The following PARD6G variants were observed in gnomAD, a reference collection of about 807,000 sequenced individuals.
PARD6G encodes the protein par-6 family cell polarity regulator gamma.
In PARD6G, 7 loss-of-function variants were observed where a neutral mutation model predicts 10.7. That is an observed-to-expected ratio of 0.66 (90% CI 0.37 to 1.23). The LOEUF is 1.23. Ranked by LOEUF, PARD6G falls within the 50% of genes most tolerant of loss-of-function variation. PARD6G has a pLI of 0.02. For synonymous variants in PARD6G, 287 were observed against 269.4 expected (o/e 1.07, Z -0.64); for missense variants, 548 against 571.8 (o/e 0.96, Z 0.42).
Position 80,160,063 on chromosome 18 carries a change from G to T in PARD6G, c.839C>A (p.Pro280His). ...GAAGTTCTGCAGGACGCGCGGGGCG[G>T]GGGGACCCACGAAGCCCGCGGTGCC... Reference protein sequence around the residue: ...SDGTAGFVGPPAPRVLQNFHP... With the variant: ...SDGTAGFVGPHAPRVLQNFHP... The change falls in exon 3 of 3, where the codon CCC becomes CAC. Residue 280 changes from proline (P) to histidine (H), a missense_variant. Pro to His is a moderately conservative substitution (Grantham distance 77). Around this residue, in one of 2 missense-constraint regions of PARD6G, gnomAD observed 313 missense variants for 279.9 expected, o/e 1.12. Transcript: ENST00000353265. 1 of 1,565,120 alleles carries T rather than the reference G, an allele frequency of 6.4e-7. No homozygotes were observed.
At chr18:80,240,238 C>T (rs1967475251) in intron 1 of PARD6G, among the ~76,000 whole-genome samples, 1 of 152,250 alleles carries the variant, frequency 6.6e-6, no homozygotes, top group Non-Finnish European at 1.5e-5. Flanking sequence ...TCCCACAAAT[C>T]TCATGTCCTT....
chr18:80,221,601 C>T (rs1011790788), intron 1 of PARD6G, among the ~76,000 whole-genome samples: 1 of 152,142 alleles, frequency 6.6e-6, no homozygotes. Flanking sequence ...TAACATCATA[C>T]TTAATGGTTA....
intron 1 of PARD6G, among the ~76,000 whole-genome samples, chr18:80,226,343 C>T (rs1364867527): frequency 6.6e-6 from 1 of 151,622 alleles, no homozygotes; most frequent in Non-Finnish European, 1.5e-5. Context: ...GCTAATTTTG[C>T]ATTTTTAGTA....
At chr18:80,225,849 T>G (rs1967283200) in intron 1 of PARD6G, among the ~76,000 whole-genome samples, 2 of 152,078 alleles carry the variant, frequency 1.3e-5, no homozygotes, top group Non-Finnish European at 2.9e-5. Flanking sequence ...CCCAAGGTGC[T>G]GCCAGAGGAC....
chr18:80,238,450 C>A (rs773889128), intron 1 of PARD6G, among the ~76,000 whole-genome samples: 3 of 151,442 alleles, frequency 2.0e-5, no homozygotes, highest in African/African-American at 4.9e-5. Context: ...ATGTAACAAA[C>A]CTGCATGTTG....
intron 1 of PARD6G, among the ~76,000 whole-genome samples, chr18:80,237,098 T>C (rs1310798187): frequency 6.6e-6 from 1 of 152,046 alleles, no homozygotes; most frequent in Non-Finnish European, 1.5e-5. Context: ...GACTTCAAAC[T>C]ACACTACAAG....
At chr18:80,221,138 A>C (rs1967223959) in intron 1 of PARD6G, among the ~76,000 whole-genome samples, 1 of 152,204 alleles carries the variant, frequency 6.6e-6, no homozygotes, top group Non-Finnish European at 1.5e-5. Flanking sequence ...CCACTTATAC[A>C]AAGTGTTCAC....
At position 80,177,051 on chromosome 18, in the gene PARD6G, C is replaced by G. The variant is rs574265637; in HGVS notation, c.296-16445G>C. ...CACACACACACACACACACACACCACAGTATAAATCACAGCCCAAATGGAA... is the reference window on the plus strand; with the variant it reads ...CACACACACACACACACACACACCAGAGTATAAATCACAGCCCAAATGGAA... On this transcript the variant is annotated intron_variant, in intron 2 of 2. Transcript: ENST00000353265. Among the ~76,000 whole-genome samples the G allele has an allele frequency of 5.1e-5, 6 of 118,578 alleles. No individual in the cohort carries two copies. In the East Asian group the frequency reaches 1.4e-3, roughly 28 times the overall value. The allele number at this position is 118,578 out of a possible 152,430, so 77.8% of individuals were successfully genotyped here.
chr18:80,188,737 T>A lies in PARD6G; in HGVS notation c.295+13973A>T. Among the ~76,000 whole-genome samples the A allele has an allele frequency of 6.6e-6, 1 of 152,140 alleles. No individual in the cohort carries two copies. The highest frequency in any genetic ancestry group is 1.5e-5 in the Non-Finnish European group (1 of 68,020). ...TCTCAGGGGCCTGCATCTCAGAAGA[T>A]GGGCAGCTCTCGGCCAGTCACCCTG... On this transcript the variant is annotated intron_variant, in intron 2 of 2. Transcript: ENST00000353265. This position sits in a 1 kb window ranked among gnomAD's most constrained non-coding sequence, Gnocchi z 5.4.
intron 1 of PARD6G, among the ~76,000 whole-genome samples, chr18:80,244,300 T>A (rs536402036): frequency 2.0e-5 from 3 of 152,252 alleles, no homozygotes; most frequent in Admixed American, 2.0e-4. Context: ...TGGAAGTACA[T>A]ACTGCAGCTG....
chr18:80,194,876 C>T (rs541666125), intron 2 of PARD6G, among the ~76,000 whole-genome samples: 10 of 152,230 alleles, frequency 6.6e-5, no homozygotes, highest in East Asian at 5.8e-4. Flanking sequence ...TGAGCCCCTC[C>T]GAGGGGATGG....
chr18:80,195,564 TATATATATACAC>T (rs1966946470), intron 2 of PARD6G, among the ~76,000 whole-genome samples: 1 of 113,236 alleles, frequency 8.8e-6, no homozygotes, highest in African/African-American at 4.0e-5. Context: ...TATATATATA[TATATATATACAC>T]ACATTTTTTT....
chr18:80,211,068 A>AT (rs779395143), intron 1 of PARD6G, among the ~76,000 whole-genome samples: 4 of 151,514 alleles, frequency 2.6e-5, no homozygotes, highest in African/African-American at 4.9e-5. Flanking sequence ...ACCCAGTAGC[A>AT]TTTTTTTCTT....
Position 80,184,022 on chromosome 18 carries a change from T to G in PARD6G, c.295+18688A>C, listed in dbSNP as rs1050939483. 6.6e-6 allele frequency: 1 copy of G among 152,206 alleles called. No individual in the cohort carries two copies. The highest frequency in any genetic ancestry group is 6.5e-5 in the Admixed American group (1 of 15,280). The allele number at this position is 152,206 out of a possible 1,614,324, so 9.4% of individuals were successfully genotyped here. A position where few individuals can be genotyped will look rare whatever the true frequency, so the allele number is the denominator to read the frequency against. ...ATATGTTAGCGGTCAAAGAACTCTG[T>G]TTTTCTTGGTCCAAACCAGAGGAAA... On this transcript the variant is annotated intron_variant, in intron 2 of 2. Coordinates refer to ENST00000353265, the MANE Select transcript of PARD6G (RefSeq NM_032510.4). This position sits in a 1 kb window ranked among gnomAD's most constrained non-coding sequence, Gnocchi z 4.5.
intron 2 of PARD6G, chr18:80,171,827 C>T (rs2052779318): frequency 1.3e-5 from 2 of 152,202 alleles, no homozygotes; most frequent in South Asian, 4.1e-4. Flanking sequence ...TGATATACCA[C>T]ATTTATTCAT....
chr18:80,159,882 G>A lies in PARD6G; in HGVS notation c.1020C>T (p.Ala340=), dbSNP rs1333265341. Residue 340 remains alanine (A), a synonymous_variant, in exon 3 of 3, where the codon GCC becomes GCT. Coordinates refer to ENST00000353265, the MANE Select transcript of PARD6G (RefSeq NM_032510.4). ...GCAGCCGCTGGAGGCCGCCGTCCAGGGCCAGGTCCCGCTGCAGCCGCTGCG... is the reference window on the plus strand; with the variant it reads ...GCAGCCGCTGGAGGCCGCCGTCCAGAGCCAGGTCCCGCTGCAGCCGCTGCG... ...GLAQRLQRDL[A]LDGGLQRLLS... 2.0e-6 allele frequency: 3 copies of A among 1,515,156 alleles called. No individual in the cohort carries two copies. The East Asian group carries it at 8.0e-5, about 41-fold the overall frequency. 93.9% of individuals were successfully genotyped at this position (1,515,156 alleles called of 1,614,324 possible). A position where few individuals can be genotyped will look rare whatever the true frequency, so the allele number is the denominator to read the frequency against.
chr18:80,198,497 T>C (rs1446618878), intron 2 of PARD6G, among the ~76,000 whole-genome samples: 1 of 152,200 alleles, frequency 6.6e-6, no homozygotes, highest in African/African-American at 2.4e-5. Context: ...CCACAGGATA[T>C]GAAAATATCT....
chr18:80,181,623 C>G lies in PARD6G; in HGVS notation c.296-21017G>C, dbSNP rs747595119. ...CTCTCCCAACAAGGAGGGTCTCCTC[C>G]CCATCCTCCCTCATCAGCGACTGTG... On this transcript the variant is annotated intron_variant, in intron 2 of 2. Coordinates refer to ENST00000353265, the MANE Select transcript of PARD6G (RefSeq NM_032510.4). This position sits in a 1 kb window ranked among gnomAD's most constrained non-coding sequence, Gnocchi z 7.9. 1.3e-5 allele frequency among the ~76,000 whole-genome samples: 2 copies of G among 152,102 alleles called. No homozygotes were observed. Among genetic ancestry groups the G allele is most frequent in the South Asian group, 2.1e-4 (1 of 4,824 alleles).
chr18:80,226,050 G>C (rs944826122), intron 1 of PARD6G, among the ~76,000 whole-genome samples: 4 of 150,618 alleles, frequency 2.7e-5, no homozygotes, highest in Non-Finnish European at 5.9e-5. Context: ...TTTCTTTATG[G>C]TTTGAATAGG....
Sources: allele counts gnomAD v4.1 joint callset (sites outside exome capture counted in the v4.1 genomes callset), GRCh38; gene constraint gnomAD v4.1.1; regional missense constraint gnomAD v4.1.1; non-coding constraint Gnocchi (gnomAD v3.1); transcripts MANE v1.5; gene names NCBI Gene and HGNC (gene_info 2026-07-23, HGNC 2026-07-21).